The following UTRN variants were observed in gnomAD, a reference collection of about 807,000 sequenced individuals.
The protein encoded by UTRN is utrophin.
UTRN carries 283 observed loss-of-function variants against 463.9 expected under a neutral mutation model. The observed-to-expected ratio is 0.61, with a 90% CI of 0.55 to 0.67. UTRN has a LOEUF of 0.67. Among genes scored for constraint, UTRN ranks in the 30% least tolerant of loss-of-function variants. UTRN has a pLI of 0.00. For missense variants in UTRN, 3,922 were observed against 4,084.3 expected (o/e 0.96, Z 1.08); for synonymous variants, 1,442 against 1,431.5 (o/e 1.01, Z -0.17).
intron 52 of UTRN, among the ~76,000 whole-genome samples, chr6:144,690,083 TTTTTTTTTTTTTTG>T (rs1183623013): frequency 2.5e-5 from 1 of 40,406 alleles, no homozygotes; most frequent in Non-Finnish European, 4.3e-5. Context: ...TGTTTTTTTT[TTTTTTTTTTTTTTG>T]TGTGTGTGTG....
At chr6:144,338,806 A>T (rs1365327361) in intron 2 of UTRN, among the ~76,000 whole-genome samples, 1 of 152,200 alleles carries the variant, frequency 6.6e-6, no homozygotes, top group Non-Finnish European at 1.5e-5. Flanking sequence ...TAGCTACACT[A>T]TTGAAGAAGA....
intron 53 of UTRN, among the ~76,000 whole-genome samples, chr6:144,727,546 C>G (rs542463778): frequency 5.3e-5 from 8 of 152,060 alleles, no homozygotes; most frequent in Non-Finnish European, 8.8e-5. Context: ...ATCACAAGGT[C>G]AGGAGATCGA....
chr6:144,469,354 T>C (rs1291155142), intron 23 of UTRN, among the ~76,000 whole-genome samples: 1 of 152,194 alleles, frequency 6.6e-6, no homozygotes, highest in Non-Finnish European at 1.5e-5. Context: ...GATCTTAGTA[T>C]AATAATCGCT....
At chr6:144,480,633 A>G (rs1222828936) in intron 26 of UTRN, among the ~76,000 whole-genome samples, 1 of 152,146 alleles carries the variant, frequency 6.6e-6, no homozygotes, top group East Asian at 1.9e-4. Context: ...ATAGTCTTGA[A>G]CACTCTCTTT....
intron 2 of UTRN, among the ~76,000 whole-genome samples, chr6:144,347,069 C>T (rs1181146528): frequency 6.6e-6 from 1 of 152,088 alleles, no homozygotes; most frequent in Non-Finnish European, 1.5e-5. Flanking sequence ...CTATGAAGGC[C>T]CAGATGACTC....
At chr6:144,843,892 C>T (rs1416162798) in intron 73 of UTRN, among the ~76,000 whole-genome samples, 1 of 152,206 alleles carries the variant, frequency 6.6e-6, no homozygotes, top group Non-Finnish European at 1.5e-5. Flanking sequence ...TTCATGTTTT[C>T]ATAGTGTTAA....
intron 33 of UTRN, among the ~76,000 whole-genome samples, chr6:144,493,915 G>C (rs1020793085): frequency 1.3e-5 from 2 of 152,136 alleles, no homozygotes; most frequent in African/African-American, 4.8e-5. Flanking sequence ...AGGTGGGAGA[G>C]CTGCTTGAAC....
chr6:144,490,339 G>T lies in UTRN; in HGVS notation c.4263+140G>T, dbSNP rs898038562. 5 of 1,254,870 alleles carry T rather than the reference G, an allele frequency of 4.0e-6. No individual in the cohort carries two copies. In the Admixed American group the frequency reaches 1.4e-4, roughly 35 times the overall value. The allele number at this position is 1,254,870 out of a possible 1,614,324, so 77.7% of individuals were successfully genotyped here. ...GGATGGGAGTGATGATGTGTTGAAG[G>T]TTGCATCCTAGGGCAGCAGAAACAA... On this transcript the variant is annotated intron_variant, in intron 31 of 74. Transcript: ENST00000367545.
At chr6:144,621,435 C>A (rs1046639734) in intron 51 of UTRN, among the ~76,000 whole-genome samples, 1 of 82,054 alleles carries the variant, frequency 1.2e-5, no homozygotes, top group South Asian at 5.4e-4. Flanking sequence ...CCTTCAGGGC[C>A]CATATCAAAT....
chr6:144,465,634 ACTC>A (rs1291033081), intron 23 of UTRN, among the ~76,000 whole-genome samples: 1 of 151,680 alleles, frequency 6.6e-6, no homozygotes, highest in African/African-American at 2.4e-5. Context: ...TCAAAAGAAA[ACTC>A]CTTTTTTTTG....
chr6:144,567,002 C>T (rs1389505616), intron 50 of UTRN, among the ~76,000 whole-genome samples: 1 of 151,902 alleles, frequency 6.6e-6, no homozygotes, highest in Non-Finnish European at 1.5e-5. Flanking sequence ...CAAAAATCAG[C>T]TGGGTGTGGT....
intron 7 of UTRN, 65 bp downstream of exon 7, chr6:144,426,524 G>A: frequency 1.3e-6 from 2 of 1,486,014 alleles, no homozygotes; most frequent in Non-Finnish European, 1.8e-6. Flanking sequence ...TCCCTTTGCT[G>A]CCACCACTAC....
intron 51 of UTRN, among the ~76,000 whole-genome samples, chr6:144,611,374 A>C (rs989931651): frequency 6.6e-6 from 1 of 152,206 alleles, no homozygotes; most frequent in African/African-American, 2.4e-5. Context: ...CAGAGCGATT[A>C]GGGAAGGGAA....
Position 144,490,986 on chromosome 6 carries a change from G to A in UTRN, c.4321G>A (p.Glu1441Lys). 6.2e-7 allele frequency: 1 copy of A among 1,612,378 alleles called. No individual in the cohort carries two copies. The highest frequency in any genetic ancestry group is 8.5e-7 in the Non-Finnish European group (1 of 1,179,162). ...GCTTTTCCAGAAGCCAGCTAACTTC[G>A]AGCAGCGCATGCTGGACTGCAAGCG... ...FQLFQKPANFEQRMLDCKRVL... is the reference protein window; with the variant it reads ...FQLFQKPANFKQRMLDCKRVL... The change falls in exon 32 of 75, where the codon GAG becomes AAG. Residue 1441 changes from glutamate (E) to lysine (K), a missense_variant. Glu to Lys is a moderately conservative substitution (Grantham distance 56, BLOSUM62 1). This residue lies in a region of UTRN where 2,349 missense variants were observed against 2,303.8 expected (regional missense o/e 1.02). Coordinates refer to ENST00000367545, the MANE Select transcript of UTRN (RefSeq NM_007124.3).
intron 50 of UTRN, among the ~76,000 whole-genome samples, chr6:144,560,600 G>A (rs1382650191): frequency 6.6e-6 from 1 of 152,090 alleles, no homozygotes; most frequent in Non-Finnish European, 1.5e-5. Context: ...ATACTGTGCA[G>A]CATAATGTGT....
At chr6:144,676,954 C>G (rs964385538) in intron 51 of UTRN, among the ~76,000 whole-genome samples, 2 of 152,042 alleles carry the variant, frequency 1.3e-5, no homozygotes, top group African/African-American at 4.8e-5. Flanking sequence ...GGATATTAGG[C>G]AAAGTTCAGT....
chr6:144,530,113 A>T (rs1347365061), intron 41 of UTRN, among the ~76,000 whole-genome samples: 2 of 152,196 alleles, frequency 1.3e-5, no homozygotes, highest in Non-Finnish European at 2.9e-5. Context: ...AAGTACATTA[A>T]TCTGCTCAGG....
rs1782556833 is a variant in UTRN, at chr6:144,852,796, T to A, written c.*1799T>A. The A allele has an allele frequency of 6.6e-6, 1 of 152,644 alleles. No individual in the cohort carries two copies. The highest frequency in any genetic ancestry group is 2.4e-5 in the African/African-American group (1 of 41,460). 9.5% of individuals were successfully genotyped at this position (152,644 alleles called of 1,614,324 possible). On this transcript the variant is annotated 3_prime_UTR_variant, in exon 75 of 75. Transcript: ENST00000367545. ...TACTTTAAAAAGTCATGTGTTAATT[T>A]TTTTTCTGCCTGTATTTGTATGCAA...
At chr6:144,377,358 C>T (rs1006999524) in intron 2 of UTRN, among the ~76,000 whole-genome samples, 3 of 152,156 alleles carry the variant, frequency 2.0e-5, no homozygotes, top group Non-Finnish European at 4.4e-5. Flanking sequence ...ACATTTCTTT[C>T]TGTGTGCAGG....
Sources: gnomAD v4.1 joint callset for allele counts (sites outside exome capture counted in the v4.1 genomes callset) on GRCh38, gnomAD v4.1.1 for gene constraint, gnomAD v4.1.1 regional missense constraint, MANE v1.5 for transcripts, NCBI Gene and HGNC (gene_info 2026-07-23, HGNC 2026-07-21) for gene names.